The following DOCK2 variants were observed in gnomAD, a reference collection of about 807,000 sequenced individuals.
The protein encoded by DOCK2 is dedicator of cytokinesis protein 2.
Under a neutral mutation model 248.9 loss-of-function variants are expected in DOCK2, and 87 were observed. The ratio of observed to expected loss-of-function variants is 0.35; its 90% CI spans 0.29 to 0.42. The LOEUF is 0.42. DOCK2 is among the 10% of genes least tolerant of loss of function. DOCK2 has a pLI of 1.00. For missense variants in DOCK2, 1,747 were observed against 2,300.2 expected, an observed-to-expected ratio of 0.76 and a Z score of 4.92; for synonymous variants, 805 against 821.6, an observed-to-expected ratio of 0.98 and a Z score of 0.35.
chr5:169,973,076 C>T (rs1343388398), intron 27 of DOCK2, among the ~76,000 whole-genome samples: 1 of 152,160 alleles, frequency 6.6e-6, no homozygotes, highest in African/African-American at 2.4e-5. Flanking sequence ...CCTCTTCACT[C>T]CTCAAGAAGG....
rs565552003 is a variant in DOCK2 at position 169,783,876 on chromosome 5, G to A, written c.2555-19182G>A. 2.3e-4 allele frequency among the ~76,000 whole-genome samples: 35 copies of A among 152,278 alleles called. No individual in the cohort carries two copies. The South Asian group carries it at 6.0e-3, about 26-fold the overall frequency. On this transcript the variant is annotated intron_variant, in intron 25 of 51. Coordinates refer to ENST00000520908, the MANE Select transcript of DOCK2 (RefSeq NM_004946.3). Reference sequence around the variant, plus strand: ...ACTTAACTAATTTTTAACTATTGATGTATTTGTTTTTTCCCCTCACAATCT... The same window carrying A: ...ACTTAACTAATTTTTAACTATTGATATATTTGTTTTTTCCCCTCACAATCT...
At chr5:169,958,907 C>T (rs1776969885) in intron 27 of DOCK2, among the ~76,000 whole-genome samples, 1 of 152,108 alleles carries the variant, frequency 6.6e-6, no homozygotes, top group Admixed American at 6.5e-5. Flanking sequence ...CTCTCAAAGA[C>T]AATGTGTTTT....
At position 169,923,349 on chromosome 5, in the gene DOCK2, T is replaced by C. The variant is rs1469262297; in HGVS notation, c.2800-59719T>C. Among the ~76,000 whole-genome samples the C allele has an allele frequency of 2.6e-5, 4 of 152,270 alleles. No homozygotes were observed. The East Asian group carries it at 7.7e-4, about 29-fold the overall frequency. On this transcript the variant is annotated intron_variant, in intron 27 of 51. Coordinates refer to ENST00000520908, the MANE Select transcript of DOCK2 (RefSeq NM_004946.3). ...ATTTCCTACAATATTTATGTGTTAC[T>C]TTCCTAATAATGAAGGGGCATACGC...
chr5:169,724,959 A>C (rs1581099688), intron 22 of DOCK2, among the ~76,000 whole-genome samples: 1 of 152,190 alleles, frequency 6.6e-6, no homozygotes, highest in Non-Finnish European at 1.5e-5. Flanking sequence ...GAGGGAGCAC[A>C]TAAGCCTCTG....
intron 29 of DOCK2, among the ~76,000 whole-genome samples, chr5:169,992,617 A>G (rs1778237228): frequency 6.6e-6 from 1 of 152,118 alleles, no homozygotes; most frequent in Non-Finnish European, 1.5e-5. Flanking sequence ...GGCACTCGCC[A>G]CCACGCCCAG....
rs1012793578 is a variant in DOCK2, at chr5:169,674,513, A to G, written c.470+68A>G. 3.8e-6 allele frequency: 6 copies of G among 1,577,202 alleles called. No individual in the cohort carries two copies. The African/African-American group carries it at 5.5e-5, about 14-fold the overall frequency. The stretch of plus-strand genomic sequence containing the variant: ...CATCCTCTTTCTTCCCTCTCTCCCC[A>G]GAAGCTTGTTTTCATTTTTAGATGC... On this transcript the variant is annotated intron_variant, in intron 6 of 51. Transcript: ENST00000520908.
At chr5:169,955,999 C>T (rs1776850134) in intron 27 of DOCK2, among the ~76,000 whole-genome samples, 1 of 148,672 alleles carries the variant, frequency 6.7e-6, no homozygotes, top group Non-Finnish European at 1.5e-5. Flanking sequence ...CTCTGGAGCT[C>T]AGGGAAACAA....
intron 22 of DOCK2, among the ~76,000 whole-genome samples, chr5:169,723,623 G>A (rs1342243378): frequency 6.6e-6 from 1 of 152,046 alleles, no homozygotes; most frequent in Non-Finnish European, 1.5e-5. Flanking sequence ...TGTGGCTCAA[G>A]CTCCTTCCTT....
At chr5:169,706,010 C>T (rs988637182) in intron 14 of DOCK2, among the ~76,000 whole-genome samples, 1 of 152,180 alleles carries the variant, frequency 6.6e-6, no homozygotes, top group South Asian at 2.1e-4. Flanking sequence ...AGATATATAC[C>T]AGTGTATATT....
chr5:169,804,494 G>GTGCACA (rs1767217942), intron 26 of DOCK2, among the ~76,000 whole-genome samples: 2 of 57,918 alleles, frequency 3.5e-5, no homozygotes, highest in Non-Finnish European at 1.0e-4. Flanking sequence ...GTGCGCGCGC[G>GTGCACA]CGTGCGCGTA....
chr5:170,044,018 G>C (rs1756609854), intron 38 of DOCK2, among the ~76,000 whole-genome samples: 1 of 152,222 alleles, frequency 6.6e-6, no homozygotes, highest in African/African-American at 2.4e-5. Flanking sequence ...CAGAGAGGAG[G>C]GAGCAGATGG....
At chr5:170,045,613 T>G (rs1300483203) in intron 38 of DOCK2, among the ~76,000 whole-genome samples, 3 of 152,208 alleles carry the variant, frequency 2.0e-5, no homozygotes, top group Non-Finnish European at 4.4e-5. Context: ...CTCAATTGTT[T>G]ATCAAGAAAC....
chr5:170,075,762 A>G, intron 46 of DOCK2, 185 bp from the exon 47 acceptor site: 1 of 750,948 alleles, frequency 1.3e-6, no homozygotes, highest in Non-Finnish European at 2.1e-6. Context: ...TCCAGAGCAA[A>G]CCTCATGTTT....
intron 27 of DOCK2, among the ~76,000 whole-genome samples, chr5:169,866,969 T>G (rs556765996): frequency 2.0e-5 from 3 of 152,320 alleles, no homozygotes; most frequent in Admixed American, 2.0e-4. Flanking sequence ...CCCACAAGAC[T>G]TCCCCCCACT....
intron 27 of DOCK2, among the ~76,000 whole-genome samples, chr5:169,909,308 G>T (rs1302128919): frequency 6.6e-6 from 1 of 152,204 alleles, no homozygotes; most frequent in Non-Finnish European, 1.5e-5. Flanking sequence ...TGGCTACCAT[G>T]TTCAACAGTA....
At chr5:170,040,799 C>A in intron 36 of DOCK2, 1 of 426,144 alleles carries the variant, frequency 2.3e-6, no homozygotes, top group Non-Finnish European at 4.1e-6. Flanking sequence ...ATTCCTGAGA[C>A]TCATCTCATA....
At chr5:169,707,769 A>G (rs938318296) in intron 14 of DOCK2, among the ~76,000 whole-genome samples, 2 of 152,194 alleles carry the variant, frequency 1.3e-5, no homozygotes, top group African/African-American at 4.8e-5. Context: ...TTCATCGCAA[A>G]GAGTTGCTGC....
intron 3 of DOCK2, among the ~76,000 whole-genome samples, chr5:169,669,667 C>T (rs1392265921): frequency 6.8e-6 from 1 of 146,362 alleles, no homozygotes; most frequent in Non-Finnish European, 1.5e-5. Context: ...TTGTTTGCAG[C>T]ATTCAGTCAT....
intron 27 of DOCK2, among the ~76,000 whole-genome samples, chr5:169,886,379 A>T (rs908731691): frequency 6.6e-6 from 1 of 152,220 alleles, no homozygotes; most frequent in South Asian, 2.1e-4. Flanking sequence ...AATTGGTTCT[A>T]TGTTTCAATG....
Sources: gnomAD v4.1 joint callset for allele counts (sites outside exome capture counted in the v4.1 genomes callset) on GRCh38, gnomAD v4.1.1 for gene constraint, MANE v1.5 for transcripts, NCBI Gene and HGNC (gene_info 2026-07-23, HGNC 2026-07-21) for gene names.